Variants in PDE4B observed in about 807,000 individuals in gnomAD.
The protein encoded by PDE4B is phosphodiesterase 4B.
A neutral mutation model predicts 82.2 loss-of-function variants in PDE4B; 20 were observed. The ratio of observed to expected loss-of-function variants is 0.24; its 90% CI spans 0.17 to 0.35. The LOEUF (loss-of-function observed/expected upper bound fraction) is 0.35, where lower values mean the gene tolerates loss of function less well. Ranked by LOEUF, PDE4B falls within the 10% of genes least tolerant of loss-of-function variation. The pLI, the probability that PDE4B is intolerant of heterozygous loss-of-function variation, is 1.00. For missense variants in PDE4B, 655 were observed against 907.2 expected, an observed-to-expected ratio of 0.72 and a Z score of 3.57; for synonymous variants, 320 against 318.9, an observed-to-expected ratio of 1.00 and a Z score of -0.04.
At chr1:66,153,153 G>A (rs1035367424) in intron 3 of PDE4B, among the ~76,000 whole-genome samples, 2 of 152,124 alleles carry the variant, frequency 1.3e-5, no homozygotes, top group African/African-American at 4.8e-5. Flanking sequence ...CCCCACACCA[G>A]ATTGCAAAGC....
At position 66,115,488 on chromosome 1, in the gene PDE4B, G is replaced by A. The variant is rs1215788067; in HGVS notation, c.282-131972G>A. Among the ~76,000 whole-genome samples the A allele has an allele frequency of 5.9e-5, 9 of 152,202 alleles. No homozygotes were observed. The South Asian group carries it at 6.2e-4, about 11-fold the overall frequency. ...CAATCCAGAATAGCATTATTTTTAT[G>A]AATTCATCAAGCATTTGGGTCCAGA... is the stretch of plus-strand genomic sequence containing the variant. On this transcript the variant is annotated intron_variant, in intron 3 of 16. Transcript: ENST00000341517.
intron 1 of PDE4B, among the ~76,000 whole-genome samples, chr1:65,840,061 T>G (rs2101339946): frequency 6.6e-6 from 1 of 152,272 alleles, no homozygotes; most frequent in East Asian, 1.9e-4. Flanking sequence ...TATGTGTAAA[T>G]TGCACCACAT....
chr1:66,256,053 T>C lies in PDE4B; in HGVS notation c.477-1594T>C, dbSNP rs77609942. Among the ~76,000 whole-genome samples the C allele has an allele frequency of 6.1e-3, 930 of 152,304 alleles. 9 individuals carry two copies. Among genetic ancestry groups the C allele is most frequent in the Middle Eastern group, 0.017 (5 of 294 alleles). Reference sequence around the variant, plus strand: ...ATAGCTGCGTGTGGTGTTGTGTGCCTGTAGTCCCAGCTACTCCAGAGTCTG... The same window carrying C: ...ATAGCTGCGTGTGGTGTTGTGTGCCCGTAGTCCCAGCTACTCCAGAGTCTG... On this transcript the variant is annotated intron_variant, in intron 4 of 16. Transcript: ENST00000341517.
intron 1 of PDE4B, among the ~76,000 whole-genome samples, chr1:65,882,389 A>C (rs1646718238): frequency 6.6e-6 from 1 of 152,286 alleles, no homozygotes; most frequent in South Asian, 2.1e-4. Context: ...GTAAATTTAA[A>C]CTCAGCTGGG....
intron 3 of PDE4B, among the ~76,000 whole-genome samples, chr1:65,987,397 G>C (rs890883471): frequency 2.6e-5 from 4 of 152,130 alleles, no homozygotes; most frequent in Admixed American, 2.6e-4. Flanking sequence ...CAGACTCAAG[G>C]ATGTTAAGTA....
chr1:66,104,864 G>A (rs1428034039), intron 3 of PDE4B, among the ~76,000 whole-genome samples: 42 of 141,840 alleles, frequency 3.0e-4, no homozygotes, highest in East Asian at 8.3e-4. Context: ...AGTAGGTTGC[G>A]AAAATTTTCT....
At chr1:66,018,312 C>A (rs1028731328) in intron 3 of PDE4B, among the ~76,000 whole-genome samples, 1 of 151,904 alleles carries the variant, frequency 6.6e-6, no homozygotes, top group African/African-American at 2.4e-5. Context: ...CCCAGCTAGT[C>A]GGGAGGCTGA....
chr1:66,340,415 A>G (rs551055600), intron 8 of PDE4B, among the ~76,000 whole-genome samples: 1 of 152,338 alleles, frequency 6.6e-6, no homozygotes, highest in African/African-American at 2.4e-5. Context: ...TAAAGCTATA[A>G]ATCTTGCCAT....
chr1:65,992,799 A>G, intron 3 of PDE4B: 1 of 1,443,414 alleles, frequency 6.9e-7, no homozygotes, highest in South Asian at 1.6e-5. Context: ...TTCGTAAATT[A>G]AACTGGAAAT....
At chr1:66,332,073 T>G in intron 7 of PDE4B, 2 of 1,114,426 alleles carry the variant, frequency 1.8e-6, no homozygotes, top group Non-Finnish European at 2.2e-6. Flanking sequence ...GCTTTCCTCA[T>G]TTCTCCTTGA....
intron 3 of PDE4B, among the ~76,000 whole-genome samples, chr1:66,142,163 T>C (rs941063793): frequency 3.9e-5 from 6 of 152,146 alleles, no homozygotes; most frequent in Non-Finnish European, 2.9e-5. Flanking sequence ...GTTATCTTCA[T>C]GTTGAGCAGG....
In PDE4B at chr1:66,365,774, C is replaced by T; in HGVS notation, c.1384+8C>T. 1.3e-6 allele frequency: 2 copies of T among 1,500,108 alleles called. No homozygotes were observed. Among genetic ancestry groups the T allele is most frequent in the Admixed American group, 1.7e-5 (1 of 59,248 alleles). 92.9% of individuals were successfully genotyped at this position (1,500,108 alleles called of 1,614,324 possible). A position where few individuals can be genotyped will look rare whatever the true frequency, so the allele number is the denominator to read the frequency against. On this transcript the variant is annotated splice_region_variant and intron_variant, in intron 13 of 16. Transcript: ENST00000341517. ...AGTTTCTCATCAACACAAGTGAGTTCACCACTACAGCAGTCATTCCAGATA... is the reference window on the plus strand; with the variant it reads ...AGTTTCTCATCAACACAAGTGAGTTTACCACTACAGCAGTCATTCCAGATA...
intron 3 of PDE4B, among the ~76,000 whole-genome samples, chr1:66,138,901 A>C (rs1249309718): frequency 6.6e-6 from 1 of 152,022 alleles, no homozygotes. Flanking sequence ...CTCCAAAAAC[A>C]CCTCTCCAAG....
chr1:66,010,750 C>G (rs1182157048), intron 3 of PDE4B, among the ~76,000 whole-genome samples: 1 of 147,490 alleles, frequency 6.8e-6, no homozygotes, highest in East Asian at 2.0e-4. Context: ...CCTCATCATC[C>G]CCACGAAGAT....
At chr1:66,190,639 G>C (rs971502697) in intron 3 of PDE4B, among the ~76,000 whole-genome samples, 2 of 152,216 alleles carry the variant, frequency 1.3e-5, no homozygotes, top group Non-Finnish European at 2.9e-5. Flanking sequence ...CTCTGAGCCA[G>C]GCGTGGGATA....
chr1:66,293,154 T>A (rs1557683302), intron 7 of PDE4B, among the ~76,000 whole-genome samples: 1 of 152,094 alleles, frequency 6.6e-6, no homozygotes, highest in Non-Finnish European at 1.5e-5. Flanking sequence ...GTCCTTGAGG[T>A]CAGGCGGGGA....
At chr1:66,234,125 G>T (rs948582158) in intron 3 of PDE4B, among the ~76,000 whole-genome samples, 1 of 151,882 alleles carries the variant, frequency 6.6e-6, no homozygotes, top group Non-Finnish European at 1.5e-5. Context: ...AAGTTATCTG[G>T]GCATGCAGTT....
intron 7 of PDE4B, among the ~76,000 whole-genome samples, chr1:66,311,131 G>A (rs1352058514): frequency 1.3e-5 from 2 of 152,184 alleles, no homozygotes; most frequent in Non-Finnish European, 2.9e-5. Flanking sequence ...AAGGGAAGAA[G>A]GGAGGACCAG....
chr1:66,081,334 A>G (rs1656711629), intron 3 of PDE4B, among the ~76,000 whole-genome samples: 1 of 152,114 alleles, frequency 6.6e-6, no homozygotes, highest in African/African-American at 2.4e-5. Flanking sequence ...CTTGAATGTT[A>G]AGTCCCACCA....
Sources: allele counts gnomAD v4.1 joint callset (sites outside exome capture counted in the v4.1 genomes callset), GRCh38; gene constraint gnomAD v4.1.1; transcripts MANE v1.5; gene names NCBI Gene and HGNC (gene_info 2026-07-23, HGNC 2026-07-21).